The following SLC35F4 variants were observed in gnomAD, a reference collection of about 807,000 sequenced individuals.
The protein encoded by SLC35F4 is solute carrier family 35 member F4, also known as chromosome 14 open reading frame 36.
A neutral mutation model predicts 44.2 loss-of-function variants in SLC35F4; 24 were observed. The observed-to-expected ratio is 0.54, with a 90% CI of 0.39 to 0.76. The LOEUF (loss-of-function observed/expected upper bound fraction) is 0.76, where lower values mean the gene tolerates loss of function less well. Among genes scored for constraint, SLC35F4 ranks in the 30% least tolerant of loss-of-function variants. The probability of loss-of-function intolerance (pLI) is 0.00; values close to 1 mark genes in which losing one functional copy is unlikely to be tolerated. For synonymous variants in SLC35F4, 238 were observed against 223.6 expected, an observed-to-expected ratio of 1.06 and a Z score of -0.57; for missense variants, 562 against 586.1, an observed-to-expected ratio of 0.96 and a Z score of 0.42.
At chr14:57,934,685 T>C (rs1889764655) in intron 1 of SLC35F4, among the ~76,000 whole-genome samples, 1 of 152,056 alleles carries the variant, frequency 6.6e-6, no homozygotes, top group Non-Finnish European at 1.5e-5. Flanking sequence ...TGTTGTCCCC[T>C]AATGAAGCCA....
intron 1 of SLC35F4, among the ~76,000 whole-genome samples, chr14:57,815,914 G>C (rs1282313087): frequency 6.6e-6 from 1 of 152,150 alleles, no homozygotes; most frequent in African/African-American, 2.4e-5. Context: ...TAAAGAAAAA[G>C]TCTGTTGGAA....
At chr14:57,864,431 T>C (rs180780676) in intron 1 of SLC35F4, among the ~76,000 whole-genome samples, 2 of 152,134 alleles carry the variant, frequency 1.3e-5, no homozygotes, top group Non-Finnish European at 2.9e-5. Flanking sequence ...ACAGAAACCA[T>C]CCAAATCAGA....
intron 1 of SLC35F4, among the ~76,000 whole-genome samples, chr14:57,962,709 G>T (rs1890360984): frequency 6.6e-6 from 1 of 152,198 alleles, no homozygotes; most frequent in South Asian, 2.1e-4. Context: ...AAACTTCCCT[G>T]CTGGTTTGTC....
chr14:57,740,001 A>G (rs1009868307), intron 1 of SLC35F4, among the ~76,000 whole-genome samples: 3 of 152,092 alleles, frequency 2.0e-5, no homozygotes, highest in African/African-American at 4.8e-5. Context: ...CTGGGTTTAC[A>G]GGCATGGACC....
chr14:57,910,069 G>A (rs186250415), intron 1 of SLC35F4, among the ~76,000 whole-genome samples: 14 of 152,006 alleles, frequency 9.2e-5, no homozygotes, highest in East Asian at 5.8e-4. Context: ...ACATTTTTTC[G>A]TATATTTCCG....
chr14:57,857,494 T>A (rs1887228995), intron 1 of SLC35F4, among the ~76,000 whole-genome samples: 1 of 152,108 alleles, frequency 6.6e-6, no homozygotes. Flanking sequence ...ACTCTTTCTT[T>A]TTCTGTGTGA....
At chr14:57,856,351 A>T (rs1162844098) in intron 1 of SLC35F4, among the ~76,000 whole-genome samples, 1 of 152,056 alleles carries the variant, frequency 6.6e-6, no homozygotes, top group Non-Finnish European at 1.5e-5. Context: ...GCATAGCAGG[A>T]GTATAGACCT....
intron 1 of SLC35F4, among the ~76,000 whole-genome samples, chr14:57,684,445 T>C (rs2075007602): frequency 6.6e-6 from 1 of 152,148 alleles, no homozygotes; most frequent in African/African-American, 2.4e-5. Flanking sequence ...GCATGCAACC[T>C]AGATCCCTCA....
At chr14:57,596,694 G>A (rs758938862) in intron 1 of SLC35F4, 9 of 950,430 alleles carry the variant, frequency 9.5e-6, no homozygotes, top group South Asian at 1.3e-5. Context: ...TACCTAAAAA[G>A]TTGGTAACTT....
chr14:57,963,016 A>G (rs1890366671), intron 1 of SLC35F4, among the ~76,000 whole-genome samples: 1 of 152,212 alleles, frequency 6.6e-6, no homozygotes, highest in Non-Finnish European at 1.5e-5. Flanking sequence ...CTTGGCTGCT[A>G]GAAGCTACCA....
At chr14:57,618,664 G>T (rs1745706) in intron 1 of SLC35F4, among the ~76,000 whole-genome samples, 92,574 of 151,754 alleles carry the variant, frequency 0.61, 30,466 homozygotes, top group Non-Finnish European at 0.74. Context: ...ATACCCCAGG[G>T]GCACCTGCAA....
chr14:57,623,850 A>G (rs1291261102), intron 1 of SLC35F4, among the ~76,000 whole-genome samples: 3 of 152,354 alleles, frequency 2.0e-5, no homozygotes, highest in African/African-American at 4.8e-5. Context: ...AGAAAGCAGG[A>G]AAGATCTAAA....
intron 1 of SLC35F4, among the ~76,000 whole-genome samples, chr14:57,745,453 C>T (rs1008658991): frequency 3.3e-5 from 5 of 152,198 alleles, no homozygotes; most frequent in African/African-American, 7.2e-5. Context: ...CAAAAGAAGA[C>T]ATTTATGCAG....
chr14:57,708,652 G>A (rs532837524), intron 1 of SLC35F4, among the ~76,000 whole-genome samples: 9 of 152,232 alleles, frequency 5.9e-5, no homozygotes, highest in South Asian at 4.2e-4. Context: ...CCCCATGTGC[G>A]GAGACGAGAG....
chr14:57,885,072 A>T (rs1888618502), intron 1 of SLC35F4, among the ~76,000 whole-genome samples: 1 of 152,182 alleles, frequency 6.6e-6, no homozygotes, highest in African/African-American at 2.4e-5. Flanking sequence ...TTATTTCTAC[A>T]GTATACATAG....
chr14:57,779,111 A>C (rs1396820761), intron 1 of SLC35F4, among the ~76,000 whole-genome samples: 8 of 152,026 alleles, frequency 5.3e-5, no homozygotes, highest in African/African-American at 1.9e-4. Flanking sequence ...AAGACAAAAA[A>C]AAATAATAAT....
chr14:57,702,135 T>C (rs1052589604), intron 1 of SLC35F4, among the ~76,000 whole-genome samples: 1 of 152,142 alleles, frequency 6.6e-6, no homozygotes, highest in African/African-American at 2.4e-5. Context: ...CCACTGCCTG[T>C]CCCACCCTGG....
intron 1 of SLC35F4, among the ~76,000 whole-genome samples, chr14:57,886,899 C>T (rs954729712): frequency 1.2e-4 from 18 of 152,150 alleles, no homozygotes; most frequent in Non-Finnish European, 2.4e-4. Flanking sequence ...GAGAAAGCAT[C>T]CCTAACAAGG....
downstream of SLC35F4, among the ~76,000 whole-genome samples, chr14:57,972,059 A>G (rs1881066929): frequency 2.0e-5 from 3 of 152,198 alleles, no homozygotes; most frequent in South Asian, 6.2e-4. Context: ...AATGAGGAAC[A>G]TTACAGGCAA....
Sources: allele counts gnomAD v4.1 joint callset (sites outside exome capture counted in the v4.1 genomes callset), GRCh38; gene constraint gnomAD v4.1.1; transcripts MANE v1.5; gene names NCBI Gene and HGNC (gene_info 2026-07-23, HGNC 2026-07-21).